Variants in PDE10A observed in about 807,000 individuals in gnomAD.
PDE10A encodes cAMP and cAMP-inhibited cGMP 3',5'-cyclic phosphodiesterase 10A.
PDE10A carries 39 observed loss-of-function variants against 97.7 expected under a neutral mutation model. That is an observed-to-expected ratio of 0.40 (90% CI 0.31 to 0.52). The LOEUF (loss-of-function observed/expected upper bound fraction) is 0.52. PDE10A is among the 20% of genes least tolerant of loss of function. PDE10A has a pLI of 0.56. For synonymous variants in PDE10A, 371 were observed against 376.8 expected, an observed-to-expected ratio of 0.98 and a Z score of 0.18; for missense variants, 731 against 1,047.8, an observed-to-expected ratio of 0.70 and a Z score of 4.17.
chr6:165,514,665 T>C (rs1781689734), intron 2 of PDE10A, among the ~76,000 whole-genome samples: 1 of 152,138 alleles, frequency 6.6e-6, no homozygotes, highest in Admixed American at 6.5e-5. Context: ...ATGCCATTGA[T>C]GGGGGATGAG....
chr6:165,853,204 T>A (rs1244481580), intron 1 of PDE10A, among the ~76,000 whole-genome samples: 4 of 152,244 alleles, frequency 2.6e-5, no homozygotes, highest in African/African-American at 9.6e-5. Context: ...ATGGTGCCTT[T>A]CAGGTTCTCA....
chr6:165,338,255 T>C (rs1233707182), intron 20 of PDE10A, among the ~76,000 whole-genome samples: 1 of 152,252 alleles, frequency 6.6e-6, no homozygotes, highest in Non-Finnish European at 1.5e-5. Flanking sequence ...GTCTAAATTT[T>C]GTATAAATCA....
intron 1 of PDE10A, among the ~76,000 whole-genome samples, chr6:165,976,381 G>A (rs12205521): frequency 0.17 from 25,152 of 152,072 alleles, 2,237 homozygotes; most frequent in Non-Finnish European, 0.2. Context: ...ATTGAAAACA[G>A]GAGACTAGGC....
rs1326588846 is a variant in PDE10A at position 165,330,762 on chromosome 6, C to A, written c.*2263G>T. Reference sequence around the variant, plus strand: ...ATTTTCTATATTAAAAAACAGAATTCATACATTCTTTTAAAATTCTTGTAA... The same window carrying A: ...ATTTTCTATATTAAAAAACAGAATTAATACATTCTTTTAAAATTCTTGTAA... On this transcript the variant is annotated 3_prime_UTR_variant, in exon 22 of 22. Transcript: ENST00000539869. 6.6e-6 allele frequency: 1 copy of A among 152,112 alleles called. No individual in the cohort carries two copies. Among genetic ancestry groups the A allele is most frequent in the Non-Finnish European group, 1.5e-5 (1 of 67,990 alleles). The allele number at this position is 152,112 out of a possible 1,614,324, so 9.4% of individuals were successfully genotyped here. A position where few individuals can be genotyped will look rare whatever the true frequency, so the allele number is the denominator to read the frequency against.
intron 1 of PDE10A, chr6:165,718,211 A>G (rs2128447790): frequency 6.6e-6 from 1 of 152,324 alleles, no homozygotes; most frequent in East Asian, 1.9e-4. Flanking sequence ...AGAGTTGCAT[A>G]GTGGTCCATT....
chr6:165,563,082 A>G (rs556933918), intron 1 of PDE10A, among the ~76,000 whole-genome samples: 1 of 151,816 alleles, frequency 6.6e-6, no homozygotes, highest in Admixed American at 6.6e-5. Flanking sequence ...TGCATAAAAT[A>G]CTGCAATCAG....
intron 1 of PDE10A, among the ~76,000 whole-genome samples, chr6:165,597,094 C>T (rs1786643128): frequency 6.6e-6 from 1 of 152,080 alleles, no homozygotes; most frequent in African/African-American, 2.4e-5. Context: ...TGACACACCA[C>T]ATATTTTCCT....
At chr6:165,515,982 T>C (rs571263051) in intron 2 of PDE10A, among the ~76,000 whole-genome samples, 29 of 152,320 alleles carry the variant, frequency 1.9e-4, no homozygotes, top group African/African-American at 6.5e-4. Context: ...AGCAATCTAC[T>C]CCAAAGGAAC....
At chr6:165,621,402 C>T (rs545563783) in intron 1 of PDE10A, among the ~76,000 whole-genome samples, 60 of 151,910 alleles carry the variant, frequency 3.9e-4, no homozygotes, top group Non-Finnish European at 6.3e-4. Flanking sequence ...AATTGAAAAA[C>T]CCCTTTCCCC....
rs931080707 is a variant in PDE10A, at chr6:165,662,510, G to C, written c.302C>G (p.Ala101Gly). ...GGGGACCCGGGACGAGAAGGCGAGC[G>C]CCAAGGGAGCGCGGGCCGCGACCCA... ...CGWVAARAPL[A>G]LAFSSRVPSS... The change falls in exon 1 of 22, where the codon GCG becomes GGG. Residue 101 changes from alanine to glycine, a missense_variant. Around this residue, in one of 8 missense-constraint regions of PDE10A, gnomAD observed 181 missense variants for 159.1 expected, o/e 1.14. Coordinates refer to ENST00000539869, the MANE Select transcript of PDE10A (RefSeq NM_001385079.1). 1 of 146,606 alleles carries C rather than the reference G, an allele frequency of 6.8e-6. No individual in the cohort carries two copies. Among genetic ancestry groups the C allele is most frequent in the Admixed American group, 6.7e-5 (1 of 14,890 alleles). 9.1% of individuals were successfully genotyped at this position (146,606 alleles called of 1,614,324 possible).
chr6:165,708,672 A>T (rs1791785367), intron 1 of PDE10A, among the ~76,000 whole-genome samples: 1 of 148,724 alleles, frequency 6.7e-6, no homozygotes, highest in South Asian at 2.1e-4. Context: ...CGGCCGACCC[A>T]CTCTCCCTCT....
rs1017156631 is a variant in PDE10A at position 165,655,860 on chromosome 6, C to T, written c.865+6087G>A. 2.0e-5 allele frequency among the ~76,000 whole-genome samples: 3 copies of T among 151,976 alleles called. No individual in the cohort carries two copies. The highest frequency in any genetic ancestry group is 2.4e-5 in the African/African-American group (1 of 41,376). The stretch of plus-strand genomic sequence containing the variant: ...CTGGTGGGCTCAGCTCCAGCACGGC[C>T]GTCACCCCGCTCCTCTGCCTTGTGA... On this transcript the variant is annotated intron_variant, in intron 1 of 21. Transcript: ENST00000539869. This position sits in a 1 kb window ranked among gnomAD's most constrained non-coding sequence, Gnocchi z 4.5.
At chr6:165,696,473 C>G (rs9459479) in intron 1 of PDE10A, among the ~76,000 whole-genome samples, 8,029 of 152,230 alleles carry the variant, frequency 0.053, 653 homozygotes, top group African/African-American at 0.18. Flanking sequence ...AGTAGCCCCT[C>G]TCTGTTGTCA....
intron 1 of PDE10A, among the ~76,000 whole-genome samples, chr6:165,710,245 T>C (rs527613556): frequency 6.6e-6 from 1 of 152,298 alleles, no homozygotes; most frequent in South Asian, 2.1e-4. Flanking sequence ...AAGTAGAATA[T>C]GAACCCCTGG....
chr6:165,638,729 A>C (rs564496124), intron 1 of PDE10A, among the ~76,000 whole-genome samples: 14 of 152,240 alleles, frequency 9.2e-5, no homozygotes, highest in African/African-American at 3.4e-4. Context: ...AGTCGCCCAC[A>C]CAACACCCAC....
chr6:165,689,837 T>C (rs1395660370), intron 1 of PDE10A, among the ~76,000 whole-genome samples: 2 of 152,100 alleles, frequency 1.3e-5, no homozygotes, highest in East Asian at 3.9e-4. Flanking sequence ...TGGTACGAGC[T>C]CAATACATGA....
chr6:165,487,593 AG>A (rs1779993150), intron 2 of PDE10A, among the ~76,000 whole-genome samples: 1 of 152,228 alleles, frequency 6.6e-6, no homozygotes, highest in African/African-American at 2.4e-5. Flanking sequence ...CCGCTGGTTT[AG>A]AGCATGGACT....
intron 18 of PDE10A, among the ~76,000 whole-genome samples, chr6:165,374,297 T>C (rs994475462): frequency 6.6e-6 from 1 of 151,930 alleles, no homozygotes. Flanking sequence ...TTTGTTACTA[T>C]GAGACTTGAT....
intron 1 of PDE10A, among the ~76,000 whole-genome samples, chr6:165,722,565 A>G (rs866356518): frequency 2.4e-4 from 37 of 152,254 alleles, no homozygotes; most frequent in African/African-American, 8.4e-4. Flanking sequence ...TAGAACAATT[A>G]TAACAACATA....
Sources: gnomAD v4.1 joint callset for allele counts (sites outside exome capture counted in the v4.1 genomes callset) on GRCh38, gnomAD v4.1.1 for gene constraint, gnomAD v4.1.1 regional missense constraint, Gnocchi (gnomAD v3.1) non-coding constraint, MANE v1.5 for transcripts, NCBI Gene and HGNC (gene_info 2026-07-23, HGNC 2026-07-21) for gene names.